The following AUTS2 variants were observed in gnomAD, a reference collection of about 807,000 sequenced individuals.
The protein encoded by AUTS2 is autism susceptibility gene 2 protein.
Under a neutral mutation model 112.4 loss-of-function variants are expected in AUTS2, and 17 were observed. The observed-to-expected ratio is 0.15, with a 90% confidence interval of 0.10 to 0.23. The LOEUF is 0.23. Among genes scored for constraint, AUTS2 ranks in the 10% least tolerant of loss-of-function variants. AUTS2 has a pLI of 1.00. For missense variants in AUTS2, 1,510 were observed against 1,701.6 expected (o/e 0.89, Z 1.98); for synonymous variants, 751 against 702.7 (o/e 1.07, Z -1.09).
At chr7:69,601,415 G>A (rs569463395) in intron 1 of AUTS2, among the ~76,000 whole-genome samples, 55 of 152,190 alleles carry the variant, frequency 3.6e-4, no homozygotes, top group African/African-American at 1.2e-3. Flanking sequence ...CTGTTTATGT[G>A]TTTGGGTGTC....
At chr7:70,113,997 A>G (rs1805224064) in intron 2 of AUTS2, among the ~76,000 whole-genome samples, 1 of 152,224 alleles carries the variant, frequency 6.6e-6, no homozygotes, top group African/African-American at 2.4e-5. Flanking sequence ...CAGAATTTGG[A>G]GCATATATTG....
Position 69,740,920 on chromosome 7 carries a change from T to G in AUTS2, c.309+140958T>G, listed in dbSNP as rs537561461. On this transcript the variant is annotated intron_variant, in intron 1 of 18. Coordinates refer to ENST00000342771, the MANE Select transcript of AUTS2 (RefSeq NM_015570.4). ...AGAGCTTTTGCCCAGGGATTGTTAA[T>G]TTTTAGGCAAAATTTAAAGTGGCGA... Among the ~76,000 whole-genome samples, 16 of 152,314 alleles carry G rather than the reference T, an allele frequency of 1.1e-4. 1 individual carries two copies. In the South Asian group the frequency reaches 3.1e-3, roughly 30 times the overall value.
chr7:69,908,568 TGCCATGTG>T, intron 2 of AUTS2, among the ~76,000 whole-genome samples: 1 of 152,340 alleles, frequency 6.6e-6, no homozygotes, highest in African/African-American at 2.4e-5. Context: ...TGATGAGCTG[TGCCATGTG>T]GCCTTCTGGA....
chr7:70,150,089 A>C (rs1807345008), intron 4 of AUTS2, among the ~76,000 whole-genome samples: 1 of 152,116 alleles, frequency 6.6e-6, no homozygotes, highest in Non-Finnish European at 1.5e-5. Flanking sequence ...GTTACACGTA[A>C]ATTAAGTGAA....
At chr7:69,727,928 A>T (rs1786597882) in intron 1 of AUTS2, among the ~76,000 whole-genome samples, 1 of 152,180 alleles carries the variant, frequency 6.6e-6, no homozygotes, top group Non-Finnish European at 1.5e-5. Flanking sequence ...TCCCAGTTAA[A>T]TCAGAATCAT....
At chr7:70,001,657 C>A (rs1003859242) in intron 2 of AUTS2, among the ~76,000 whole-genome samples, 2 of 151,466 alleles carry the variant, frequency 1.3e-5, no homozygotes, top group Non-Finnish European at 2.9e-5. Context: ...TGCCTGTCTG[C>A]AGAGAATGGA....
chr7:70,416,371 C>G (rs1794986819), intron 4 of AUTS2, among the ~76,000 whole-genome samples: 1 of 152,160 alleles, frequency 6.6e-6, no homozygotes, highest in Non-Finnish European at 1.5e-5. Flanking sequence ...GGAAGTCCCC[C>G]ACTAGTGAGC....
chr7:70,621,597 G>A (rs985305040), intron 5 of AUTS2, among the ~76,000 whole-genome samples: 1 of 152,142 alleles, frequency 6.6e-6, no homozygotes, highest in Non-Finnish European at 1.5e-5. Flanking sequence ...GGGTGGGAGG[G>A]TAGGAGGTAA....
intron 5 of AUTS2, among the ~76,000 whole-genome samples, chr7:70,642,506 C>T (rs921666356): frequency 1.3e-5 from 2 of 152,102 alleles, no homozygotes; most frequent in Non-Finnish European, 2.9e-5. Context: ...CTAGAGTTTG[C>T]CTTGAATTTA....
At chr7:70,686,857 CATTT>C (rs1423392312) in intron 5 of AUTS2, among the ~76,000 whole-genome samples, 20 of 152,120 alleles carry the variant, frequency 1.3e-4, no homozygotes, top group African/African-American at 2.7e-4. Context: ...TTCATTCATT[CATTT>C]ATTTGTTTTT....
rs926039707 is a variant in AUTS2, at chr7:70,694,042, C to T, written c.691-4527C>T. 4 of 151,580 alleles carry T rather than the reference C, an allele frequency of 2.6e-5. No individual in the cohort carries two copies. The highest frequency in any genetic ancestry group is 9.7e-5 in the African/African-American group (4 of 41,400). 9.4% of individuals were successfully genotyped at this position (151,580 alleles called of 1,614,324 possible). A position where few individuals can be genotyped will look rare whatever the true frequency, so the allele number is the denominator to read the frequency against. ...CTCGGGCTCGGCGCGCCGAGGAAGT[C>T]CCGCTCCGAGAGCTGCGAGCGTCTG... is the stretch of plus-strand genomic sequence containing the variant. On this transcript the variant is annotated intron_variant, in intron 5 of 18. Coordinates refer to ENST00000342771, the MANE Select transcript of AUTS2 (RefSeq NM_015570.4). This position sits in a 1 kb window ranked among gnomAD's most constrained non-coding sequence, Gnocchi z 4.1.
chr7:70,474,029 C>G (rs947297079), intron 5 of AUTS2, among the ~76,000 whole-genome samples: 1 of 152,114 alleles, frequency 6.6e-6, no homozygotes, highest in Non-Finnish European at 1.5e-5. Context: ...CTCTTTTGCC[C>G]GTAGACTCAC....
chr7:70,567,468 C>A (rs768388908), intron 5 of AUTS2, among the ~76,000 whole-genome samples: 20 of 152,184 alleles, frequency 1.3e-4, no homozygotes, highest in Non-Finnish European at 2.2e-4. Context: ...AGCCACTTAA[C>A]CTTTTGGGGG....
intron 1 of AUTS2, among the ~76,000 whole-genome samples, chr7:69,740,029 G>A (rs1787197400): frequency 6.6e-6 from 1 of 152,170 alleles, no homozygotes; most frequent in African/African-American, 2.4e-5. Context: ...TATCTTTAGT[G>A]GGCCAATGAC....
rs1402515306 is a variant in AUTS2, at chr7:70,694,497, C to T, written c.691-4072C>T. 2 of 148,948 alleles carry T rather than the reference C, an allele frequency of 1.3e-5. No individual in the cohort carries two copies. The highest frequency in any genetic ancestry group is 3.0e-5 in the Non-Finnish European group (2 of 66,912). The allele number at this position is 148,948 out of a possible 1,614,324, so 9.2% of individuals were successfully genotyped here. On this transcript the variant is annotated intron_variant, in intron 5 of 18. Transcript: ENST00000342771. This position sits in a 1 kb window ranked among gnomAD's most constrained non-coding sequence, Gnocchi z 4.1. ...CCGGGGAGAAGCCGCCGCGCGCCCT[C>T]CTCCTCCTCCTCCCTCTCCCTCCTC...
chr7:70,059,909 T>A (rs1412731108), intron 2 of AUTS2, among the ~76,000 whole-genome samples: 5 of 152,172 alleles, frequency 3.3e-5, no homozygotes, highest in Non-Finnish European at 5.9e-5. Flanking sequence ...TTCCAAATAA[T>A]TGACTTAAAA....
intron 1 of AUTS2, among the ~76,000 whole-genome samples, chr7:69,747,854 C>T (rs539401189): frequency 8.0e-5 from 12 of 149,750 alleles, no homozygotes; most frequent in East Asian, 4.0e-4. Flanking sequence ...AAATTATTTG[C>T]GTACGTTTTA....
intron 2 of AUTS2, among the ~76,000 whole-genome samples, chr7:70,104,373 A>G (rs1414036770): frequency 2.6e-5 from 4 of 152,178 alleles, no homozygotes; most frequent in Non-Finnish European, 5.9e-5. Context: ...ATGTGTACAT[A>G]GTTTCAGTAC....
At chr7:69,730,234 CT>C (rs1317370388) in intron 1 of AUTS2, among the ~76,000 whole-genome samples, 1 of 151,494 alleles carries the variant, frequency 6.6e-6, no homozygotes, top group East Asian at 1.9e-4. Flanking sequence ...ATATGTAACC[CT>C]TTGTAATATT....
Sources: allele counts gnomAD v4.1 joint callset (sites outside exome capture counted in the v4.1 genomes callset), GRCh38; gene constraint gnomAD v4.1.1; non-coding constraint Gnocchi (gnomAD v3.1); transcripts MANE v1.5; gene names NCBI Gene and HGNC (gene_info 2026-07-23, HGNC 2026-07-21).